The following ZFPM1 variants were observed in gnomAD, a reference collection of about 807,000 sequenced individuals.
ZFPM1 encodes zinc finger protein ZFPM1.
Under a neutral mutation model 46.3 loss-of-function variants are expected in ZFPM1, and 28 were observed. The ratio of observed to expected loss-of-function variants is 0.60; its 90% CI spans 0.45 to 0.83. The LOEUF is 0.83. Ranked by LOEUF, ZFPM1 falls within the 40% of genes least tolerant of loss-of-function variation. The pLI is 0.00. For missense variants in ZFPM1, 1,878 were observed against 1,432.4 expected (o/e 1.31, Z -5.02); for synonymous variants, 957 against 675.9 (o/e 1.42, Z -6.45).
At chr16:88,524,994 TGTGGTAGCAGGCAGGTGAC>T (rs1466052325) in intron 4 of ZFPM1, among the ~76,000 whole-genome samples, 1 of 152,076 alleles carries the variant, frequency 6.6e-6, no homozygotes, top group Non-Finnish European at 1.5e-5. Context: ...GGCTGAGCCG[TGTGGTAGCAGGCAGGTGAC>T]GTGGAAGCCA....
In ZFPM1 at chr16:88,490,069, T is replaced by G. The variant is rs530772363; in HGVS notation, c.268+916T>G. 3.5e-3 allele frequency among the ~76,000 whole-genome samples: 534 copies of G among 151,590 alleles called. 3 individuals are homozygous for G. Among genetic ancestry groups the G allele is most frequent in the African/African-American group, 0.012 (505 of 41,400 alleles). On this transcript the variant is annotated intron_variant, in intron 3 of 9. Transcript: ENST00000319555. ...CAAGTATTTATTATTTTTTTTTTTT[T>G]TTGAGATGGAGTCTCACTCTGTCGC...
At chr16:88,519,935 GTGGATGGATGGATGAATGGA>G (rs1911697254) in intron 4 of ZFPM1, among the ~76,000 whole-genome samples, 1 of 149,542 alleles carries the variant, frequency 6.7e-6, no homozygotes, top group African/African-American at 2.5e-5. Context: ...AGATGGATGA[GTGGATGGATGGATGAATGGA>G]TGGATGGATG....
intron 3 of ZFPM1, among the ~76,000 whole-genome samples, chr16:88,499,130 G>A (rs993439436): frequency 5.9e-5 from 9 of 152,052 alleles, no homozygotes; most frequent in Admixed American, 2.6e-4. Context: ...CCAGGCTGCC[G>A]GCACCCTGGG....
At chr16:88,453,237 C>A (rs1907361145), upstream of ZFPM1, 1 of 146,148 alleles carries the variant, frequency 6.8e-6, no homozygotes, top group Non-Finnish European at 1.5e-5. Context: ...GCGGGAGGTG[C>A]GGCGGCCGAC....
chr16:88,517,612 C>A (rs1911427292), intron 4 of ZFPM1, among the ~76,000 whole-genome samples: 1 of 137,180 alleles, frequency 7.3e-6, no homozygotes, highest in African/African-American at 2.8e-5. Flanking sequence ...AATGGATGGA[C>A]AGGTGGATGG....
chr16:88,501,157 T>C, intron 3 of ZFPM1, among the ~76,000 whole-genome samples: 1 of 119,438 alleles, frequency 8.4e-6, no homozygotes, highest in African/African-American at 3.2e-5. Flanking sequence ...GTGCTGGTGA[T>C]GATGGAGATA....
intron 4 of ZFPM1, among the ~76,000 whole-genome samples, chr16:88,515,265 G>A (rs1360448563): frequency 6.6e-6 from 1 of 152,236 alleles, no homozygotes; most frequent in East Asian, 1.9e-4. Flanking sequence ...GCCTTTTGCA[G>A]CTGAGCGGGC....
At chr16:88,464,397 G>A (rs916235297) in intron 1 of ZFPM1, among the ~76,000 whole-genome samples, 11 of 152,332 alleles carry the variant, frequency 7.2e-5, no homozygotes, top group African/African-American at 2.4e-4. Flanking sequence ...GCAGGAGGAC[G>A]GGGTGTTTGC....
chr16:88,516,828 G>C (rs78615418), intron 4 of ZFPM1, among the ~76,000 whole-genome samples: 3 of 152,112 alleles, frequency 2.0e-5, no homozygotes, highest in East Asian at 1.9e-4. Context: ...GTGCAGATGC[G>C]ATGCTGTGAC....
chr16:88,510,844 C>A (rs1007308300), intron 3 of ZFPM1, among the ~76,000 whole-genome samples: 1 of 152,226 alleles, frequency 6.6e-6, no homozygotes, highest in African/African-American at 2.4e-5. Context: ...CTGTCTCCCC[C>A]ATGTACGTTG....
upstream of ZFPM1, among the ~76,000 whole-genome samples, chr16:88,452,629 G>C (rs1214314424): frequency 6.6e-6 from 1 of 152,280 alleles, no homozygotes; most frequent in Non-Finnish European, 1.5e-5. Flanking sequence ...CAAGAGAAAC[G>C]TGGGCGTCAA....
rs771942831 is a variant in ZFPM1, at chr16:88,532,250, C to T, written c.946+15C>T. 23 of 1,576,704 alleles carry T rather than the reference C, an allele frequency of 1.5e-5. No individual in the cohort carries two copies. The East Asian group carries it at 4.3e-4, about 30-fold the overall frequency. ...CAGCCACAGCGGTGAGCCCCCACCCCGGACGCGGGTCCTCAGGATGCCGGC... is the reference window on the plus strand; with the variant it reads ...CAGCCACAGCGGTGAGCCCCCACCCTGGACGCGGGTCCTCAGGATGCCGGC... On this transcript the variant is annotated intron_variant, in intron 7 of 9. Coordinates refer to ENST00000319555, the MANE Select transcript of ZFPM1 (RefSeq NM_153813.3).
intron 1 of ZFPM1, among the ~76,000 whole-genome samples, chr16:88,475,643 G>C (rs572868331): frequency 6.6e-6 from 1 of 152,180 alleles, no homozygotes; most frequent in Non-Finnish European, 1.5e-5. Flanking sequence ...GGCAGGGCTC[G>C]GGAAAAGGGT....
chr16:88,460,045 C>T (rs574350389), intron 1 of ZFPM1, among the ~76,000 whole-genome samples: 40 of 151,990 alleles, frequency 2.6e-4, no homozygotes, highest in Middle Eastern at 6.8e-3. Flanking sequence ...TTCCCTCCAG[C>T]GCATCCCGAC....
At chr16:88,532,315 C>T (rs562724155) in intron 7 of ZFPM1, 80 bp downstream of exon 7, 1 of 1,314,026 alleles carries the variant, frequency 7.6e-7, no homozygotes, top group African/African-American at 1.5e-5. Flanking sequence ...CGGGAAAACC[C>T]ACATGCAAGC....
chr16:88,461,603 G>C (rs567151640), intron 1 of ZFPM1, among the ~76,000 whole-genome samples: 1 of 152,168 alleles, frequency 6.6e-6, no homozygotes, highest in Non-Finnish European at 1.5e-5. Flanking sequence ...CTAGGGACAC[G>C]TCTGTGAGGG....
intron 6 of ZFPM1, among the ~76,000 whole-genome samples, chr16:88,529,871 A>G (rs1912646986): frequency 6.6e-6 from 1 of 152,190 alleles, no homozygotes; most frequent in African/African-American, 2.4e-5. Context: ...CCAGGACATA[A>G]TAGCCCATGT....
At position 88,461,229 on chromosome 16, in the gene ZFPM1, G is replaced by T. The variant is rs796622188; in HGVS notation, c.40+7551G>T. ...GACCCAGGGGCGGGAGGCCTGGTGA[G>T]GACCCAGGGGTGGGGCGGGAGGCCC... On this transcript the variant is annotated intron_variant, in intron 1 of 9. Coordinates refer to ENST00000319555, the MANE Select transcript of ZFPM1 (RefSeq NM_153813.3). Among the ~76,000 whole-genome samples the T allele has an allele frequency of 4.9e-3, 624 of 127,872 alleles. 18 individuals are homozygous for T. The highest frequency in any genetic ancestry group is 0.02 in the African/African-American group (559 of 27,492). 83.9% of individuals were successfully genotyped at this position (127,872 alleles called of 152,430 possible).
In ZFPM1 at chr16:88,536,833, C is replaced by G. The variant is rs1567560868; in HGVS notation, c.*1854C>G. On this transcript the variant is annotated 3_prime_UTR_variant, in exon 10 of 10. Transcript: ENST00000319555. ...ACCAGGTGATAGCGGGGACGGGAGG[C>G]ACGGACCCCTCAAGTCTGCTCATCA... 1 of 152,226 alleles carries G rather than the reference C, an allele frequency of 6.6e-6. No homozygotes were observed. Among genetic ancestry groups the G allele is most frequent in the Non-Finnish European group, 1.5e-5 (1 of 68,058 alleles). The allele number at this position is 152,226 out of a possible 1,614,324, so 9.4% of individuals were successfully genotyped here. A position where few individuals can be genotyped will look rare whatever the true frequency, so the allele number is the denominator to read the frequency against.
Sources: allele counts gnomAD v4.1 joint callset (sites outside exome capture counted in the v4.1 genomes callset), GRCh38; gene constraint gnomAD v4.1.1; transcripts MANE v1.5; gene names NCBI Gene and HGNC (gene_info 2026-07-23, HGNC 2026-07-21).